CSMD1: variants seen among roughly 807,000 people sequenced by gnomAD.
CSMD1 encodes the protein CUB and sushi domain-containing protein 1.
A neutral mutation model predicts 417.5 loss-of-function variants in CSMD1; 213 were observed. That is an observed-to-expected ratio of 0.51 (90% CI 0.46 to 0.57). The LOEUF (loss-of-function observed/expected upper bound fraction) is 0.57, where lower values mean the gene tolerates loss of function less well. Among genes scored for constraint, CSMD1 ranks in the 20% least tolerant of loss-of-function variants. The pLI is 0.00. For missense variants in CSMD1, 6,923 were observed against 4,529.7 expected (o/e 1.53, Z -15.17); for synonymous variants, 2,862 against 1,736.8 (o/e 1.65, Z -16.11).
chr8:3,923,252 C>A (rs1442903693), intron 5 of CSMD1, among the ~76,000 whole-genome samples: 2 of 152,056 alleles, frequency 1.3e-5, no homozygotes, highest in African/African-American at 2.4e-5. Context: ...CTTCCAGAGT[C>A]TGGTGAGTGG....
intron 51 of CSMD1, among the ~76,000 whole-genome samples, chr8:3,019,846 G>A (rs1372976946): frequency 6.6e-6 from 1 of 152,212 alleles, no homozygotes; most frequent in East Asian, 1.9e-4. Context: ...GGGGAGGGAG[G>A]AACTCACAAG....
intron 7 of CSMD1, among the ~76,000 whole-genome samples, chr8:3,670,922 GTATATGGGATATATA>G (rs1159196958): frequency 6.1e-5 from 9 of 146,450 alleles, no homozygotes; most frequent in Non-Finnish European, 1.4e-4. Flanking sequence ...GGATATATAT[GTATATGGGATATATA>G]TGTATGGGTA....
chr8:3,871,167 GC>G, intron 5 of CSMD1, among the ~76,000 whole-genome samples: 1 of 151,776 alleles, frequency 6.6e-6, no homozygotes, highest in Non-Finnish European at 1.5e-5. Context: ...ACTTTTATTT[GC>G]CTTCTAATGC....
rs1563147008 is a variant in CSMD1, at chr8:3,853,890, T to TAAAGTATAATATAATA, written c.819-99849_819-99848insTATTATATTATACTTT. On this transcript the variant is annotated intron_variant, in intron 5 of 69. Coordinates refer to ENST00000635120, the MANE Select transcript of CSMD1 (RefSeq NM_033225.6). ...ATTATACTTTAATATATTAATATATTATACTTTAATATATTAATACATTAA... is the reference window on the plus strand; with the variant it reads ...ATTATACTTTAATATATTAATATATTAAAGTATAATATAATAATACTTTAATATATTAATACATTAA... Among the ~76,000 whole-genome samples, 101 of 144,884 alleles carry TAAAGTATAATATAATA rather than the reference T, an allele frequency of 7.0e-4. 2 individuals are homozygous for TAAAGTATAATATAATA. The highest frequency in any genetic ancestry group is 2.5e-3 in the African/African-American group (100 of 39,718).
intron 26 of CSMD1, among the ~76,000 whole-genome samples, chr8:3,247,474 C>T (rs959984167): frequency 1.3e-5 from 2 of 152,150 alleles, no homozygotes; most frequent in Non-Finnish European, 1.5e-5. Flanking sequence ...AGCTGTCTAC[C>T]CTCAGGAGGA....
At chr8:4,858,499 T>G (rs1585222540) in intron 1 of CSMD1, among the ~76,000 whole-genome samples, 1 of 151,700 alleles carries the variant, frequency 6.6e-6, no homozygotes, top group Middle Eastern at 3.4e-3. Flanking sequence ...ACGACATGAT[T>G]GTATATCCAG....
At chr8:3,327,576 C>A (rs903764612) in intron 23 of CSMD1, among the ~76,000 whole-genome samples, 1 of 152,058 alleles carries the variant, frequency 6.6e-6, no homozygotes, top group Non-Finnish European at 1.5e-5. Context: ...TGAATGTCAC[C>A]ATGTTGTACT....
At chr8:3,177,712 T>C (rs1030557535) in intron 37 of CSMD1, among the ~76,000 whole-genome samples, 3 of 152,158 alleles carry the variant, frequency 2.0e-5, no homozygotes, top group Admixed American at 6.5e-5. Context: ...TGTTCAATCT[T>C]GTTGTTCCTC....
chr8:3,512,603 T>C (rs1797123178), intron 10 of CSMD1, among the ~76,000 whole-genome samples: 1 of 147,104 alleles, frequency 6.8e-6, no homozygotes, highest in Non-Finnish European at 1.5e-5. Context: ...TTTTTTTCTT[T>C]TTTTTTTTTT....
intron 12 of CSMD1, among the ~76,000 whole-genome samples, chr8:3,418,328 T>C (rs270087): frequency 0.25 from 38,170 of 151,960 alleles, 5,010 homozygotes; most frequent in Non-Finnish European, 0.29. Context: ...CATGAGAGTA[T>C]AGATTTTCAA....
chr8:4,902,947 A>T (rs1804981675), intron 1 of CSMD1, among the ~76,000 whole-genome samples: 1 of 149,244 alleles, frequency 6.7e-6, no homozygotes, highest in Non-Finnish European at 1.5e-5. Flanking sequence ...TTCATTTTAT[A>T]TATAATAATA....
chr8:4,416,154 G>T (rs982256574), intron 3 of CSMD1, among the ~76,000 whole-genome samples: 10 of 152,120 alleles, frequency 6.6e-5, no homozygotes, highest in African/African-American at 2.2e-4. Flanking sequence ...TCTATACAAA[G>T]CAAGTAGTGA....
chr8:4,225,141 A>G (rs1334305695), intron 3 of CSMD1, among the ~76,000 whole-genome samples: 1 of 152,156 alleles, frequency 6.6e-6, no homozygotes. Context: ...AATTCATTTT[A>G]TTTGTTCATG....
At chr8:4,642,565 C>A (rs1443204702) in intron 1 of CSMD1, among the ~76,000 whole-genome samples, 2 of 152,182 alleles carry the variant, frequency 1.3e-5, no homozygotes, top group African/African-American at 4.8e-5. Context: ...TTCCTAGATT[C>A]TACACCTGGA....
intron 12 of CSMD1, among the ~76,000 whole-genome samples, chr8:3,414,848 A>G (rs960153566): frequency 6.6e-6 from 1 of 152,074 alleles, no homozygotes; most frequent in Non-Finnish European, 1.5e-5. Context: ...TTAACCATGC[A>G]CTGTTGATAT....
intron 26 of CSMD1, among the ~76,000 whole-genome samples, chr8:3,245,811 C>A (rs1038531048): frequency 2.0e-5 from 3 of 152,176 alleles, no homozygotes; most frequent in Non-Finnish European, 4.4e-5. Context: ...GGACTAGTTA[C>A]TGTTTATCTT....
At chr8:2,964,584 A>C (rs890926778) in intron 59 of CSMD1, among the ~76,000 whole-genome samples, 13 of 152,258 alleles carry the variant, frequency 8.5e-5, no homozygotes, top group African/African-American at 3.1e-4. Flanking sequence ...ATAAAAATCC[A>C]CAGAATTATG....
Position 4,495,899 on chromosome 8 carries a change from C to G in CSMD1, c.303-75834G>C, listed in dbSNP as rs527354443. Among the ~76,000 whole-genome samples the G allele has an allele frequency of 9.2e-5, 14 of 152,238 alleles. No homozygotes were observed. In the South Asian group the frequency reaches 2.9e-3, roughly 32 times the overall value. On this transcript the variant is annotated intron_variant, in intron 2 of 69. Coordinates refer to ENST00000635120, the MANE Select transcript of CSMD1 (RefSeq NM_033225.6). ...TCTGTGTTTTTTGCTCCATCTTACC[C>G]TCCTAACCCCAGGTTAGGATAAATT... is the stretch of plus-strand genomic sequence containing the variant.
At chr8:3,509,154 T>C (rs949781102) in intron 10 of CSMD1, among the ~76,000 whole-genome samples, 14 of 152,096 alleles carry the variant, frequency 9.2e-5, no homozygotes, top group Admixed American at 3.3e-4. Flanking sequence ...GTAGATAAGG[T>C]CAACTCAAAA....
Sources: allele counts gnomAD v4.1 joint callset (sites outside exome capture counted in the v4.1 genomes callset), GRCh38; gene constraint gnomAD v4.1.1; transcripts MANE v1.5; gene names NCBI Gene and HGNC (gene_info 2026-07-23, HGNC 2026-07-21).